The following ADGRB3 variants were observed in gnomAD, a reference collection of about 807,000 sequenced individuals.
ADGRB3 encodes the protein adhesion G protein-coupled receptor B3, also known as brain-specific angiogenesis inhibitor 3.
In ADGRB3, 37 loss-of-function variants were observed where a neutral mutation model predicts 193.4. The ratio of observed to expected loss-of-function variants is 0.19; its 90% CI spans 0.15 to 0.25. The LOEUF is 0.25. Ranked by LOEUF, ADGRB3 falls within the 10% of genes least tolerant of loss-of-function variation. The pLI is 1.00. For synonymous variants in ADGRB3, 690 were observed against 644.2 expected, an observed-to-expected ratio of 1.07 and a Z score of -1.08; for missense variants, 1,637 against 1,852.9, an observed-to-expected ratio of 0.88 and a Z score of 2.14.
chr6:68,876,882 C>T (rs1389792625), intron 3 of ADGRB3, among the ~76,000 whole-genome samples: 3 of 151,852 alleles, frequency 2.0e-5, no homozygotes, highest in Admixed American at 1.3e-4. Context: ...AGGTATGGCT[C>T]TTACTGATTT....
intron 30 of ADGRB3, among the ~76,000 whole-genome samples, chr6:69,374,351 G>A (rs1582664848): frequency 6.6e-6 from 1 of 152,162 alleles, no homozygotes; most frequent in Middle Eastern, 3.4e-3. Flanking sequence ...GAAAGTCCAA[G>A]TTGTCCCCCT....
chr6:69,296,921 C>G lies in ADGRB3; in HGVS notation c.2815-27951C>G, dbSNP rs573016437. ...TTCTGCTTTTCTAGGAGGAAACTTGCTACTGCCTTTTAAACCAATGTAAAA... is the reference window on the plus strand; with the variant it reads ...TTCTGCTTTTCTAGGAGGAAACTTGGTACTGCCTTTTAAACCAATGTAAAA... On this transcript the variant is annotated intron_variant, in intron 20 of 31. Coordinates refer to ENST00000370598, the MANE Select transcript of ADGRB3 (RefSeq NM_001704.3). Among the ~76,000 whole-genome samples the G allele has an allele frequency of 1.3e-4, 20 of 152,200 alleles. No homozygotes were observed. The South Asian group carries it at 3.9e-3, about 30-fold the overall frequency.
intron 17 of ADGRB3, among the ~76,000 whole-genome samples, chr6:69,151,239 C>T (rs558133761): frequency 6.6e-6 from 1 of 152,266 alleles, no homozygotes; most frequent in Non-Finnish European, 1.5e-5. Flanking sequence ...AACTCTAGAG[C>T]CCTTTATCCC....
At chr6:68,685,345 A>C (rs2127299713) in intron 3 of ADGRB3, among the ~76,000 whole-genome samples, 1 of 152,266 alleles carries the variant, frequency 6.6e-6, no homozygotes, top group South Asian at 2.1e-4. Context: ...ATATATTTTT[A>C]AAACTCAGAG....
chr6:69,164,929 A>G (rs1338884177), intron 17 of ADGRB3, among the ~76,000 whole-genome samples: 1 of 152,106 alleles, frequency 6.6e-6, no homozygotes, highest in Non-Finnish European at 1.5e-5. Flanking sequence ...CCTAATGGGA[A>G]GAACAAATCA....
chr6:69,187,337 A>G (rs1765091794), intron 17 of ADGRB3, among the ~76,000 whole-genome samples: 1 of 152,184 alleles, frequency 6.6e-6, no homozygotes, highest in African/African-American at 2.4e-5. Context: ...TTTGCCAGAT[A>G]TGAGGTTTAG....
At chr6:69,050,283 C>T (rs1485205667) in intron 15 of ADGRB3, among the ~76,000 whole-genome samples, 1 of 152,112 alleles carries the variant, frequency 6.6e-6, no homozygotes, top group Non-Finnish European at 1.5e-5. Context: ...TAGAGAAAAT[C>T]TTTCTACGTG....
chr6:69,217,969 T>C (rs1223952160), intron 17 of ADGRB3, among the ~76,000 whole-genome samples: 1 of 151,314 alleles, frequency 6.6e-6, no homozygotes, highest in Admixed American at 6.6e-5. Flanking sequence ...TAAACAAGGA[T>C]GCAAAGCTCT....
intron 15 of ADGRB3, among the ~76,000 whole-genome samples, chr6:69,051,333 T>G (rs1026366111): frequency 1.3e-5 from 2 of 152,148 alleles, no homozygotes; most frequent in Admixed American, 6.5e-5. Context: ...AACTTAAAAT[T>G]TTTTTCACCT....
At chr6:69,130,609 G>C (rs927698011) in intron 17 of ADGRB3, among the ~76,000 whole-genome samples, 2 of 150,018 alleles carry the variant, frequency 1.3e-5, no homozygotes, top group Non-Finnish European at 3.0e-5. Context: ...TTTTTCCTCT[G>C]TTTCTTTATT....
chr6:69,286,701 A>G (rs1767560910), intron 20 of ADGRB3, among the ~76,000 whole-genome samples: 4 of 152,194 alleles, frequency 2.6e-5, no homozygotes, highest in African/African-American at 9.7e-5. Flanking sequence ...AAAAAATAAT[A>G]TGGTGTTTTA....
At chr6:69,344,171 G>A (rs1009504592) in intron 26 of ADGRB3, among the ~76,000 whole-genome samples, 4 of 152,096 alleles carry the variant, frequency 2.6e-5, no homozygotes, top group Admixed American at 2.0e-4. Flanking sequence ...AGGATAAAAG[G>A]AAAGTGCTTA....
At chr6:69,135,925 G>A (rs187837541) in intron 17 of ADGRB3, among the ~76,000 whole-genome samples, 211 of 152,170 alleles carry the variant, frequency 1.4e-3, no homozygotes, top group Admixed American at 3.7e-3. Flanking sequence ...TGATTGAAAT[G>A]AAATCCAAGG....
chr6:69,283,459 G>C (rs906234658), intron 20 of ADGRB3, among the ~76,000 whole-genome samples: 8 of 152,034 alleles, frequency 5.3e-5, no homozygotes, highest in African/African-American at 1.9e-4. Flanking sequence ...CTTGGATAGG[G>C]GAAGACTGGG....
intron 8 of ADGRB3, among the ~76,000 whole-genome samples, chr6:68,971,988 G>GGAGCAT (rs1768584764): frequency 1.3e-5 from 2 of 152,176 alleles, no homozygotes; most frequent in African/African-American, 4.8e-5. Flanking sequence ...AGCAGGGCCA[G>GGAGCAT]GAGCATGTGC....
chr6:69,340,802 A>C (rs1021432948), intron 26 of ADGRB3, among the ~76,000 whole-genome samples: 2 of 151,590 alleles, frequency 1.3e-5, no homozygotes, highest in Non-Finnish European at 2.9e-5. Flanking sequence ...GTGTGTTGTT[A>C]CCCTCCCTGT....
chr6:68,802,015 A>G (rs1582213500), intron 3 of ADGRB3, among the ~76,000 whole-genome samples: 1 of 152,328 alleles, frequency 6.6e-6, no homozygotes, highest in African/African-American at 2.4e-5. Context: ...AACAAAAAAG[A>G]AATATTCTAA....
intron 3 of ADGRB3, among the ~76,000 whole-genome samples, chr6:68,727,463 T>G (rs1043585783): frequency 6.6e-6 from 1 of 151,656 alleles, no homozygotes; most frequent in African/African-American, 2.4e-5. Flanking sequence ...AGCTTTTTCT[T>G]GGTTGATTGT....
chr6:69,031,017 T>C, intron 13 of ADGRB3, among the ~76,000 whole-genome samples: 1 of 62,280 alleles, frequency 1.6e-5, no homozygotes, highest in South Asian at 3.4e-4. Flanking sequence ...TTTCTTTTCT[T>C]TTTTTTTTCC....
Sources: allele counts gnomAD v4.1 joint callset (sites outside exome capture counted in the v4.1 genomes callset), GRCh38; gene constraint gnomAD v4.1.1; transcripts MANE v1.5; gene names NCBI Gene and HGNC (gene_info 2026-07-23, HGNC 2026-07-21).